N4BP2: variants seen among roughly 807,000 people sequenced by gnomAD.
N4BP2 encodes the protein NEDD4 binding protein 2.
N4BP2 carries 91 observed loss-of-function variants against 152.8 expected under a neutral mutation model. The observed-to-expected ratio is 0.60, with a 90% confidence interval of 0.50 to 0.71. N4BP2 has a LOEUF of 0.71. N4BP2 is among the 30% of genes least tolerant of loss of function. The pLI is 0.00. For missense variants in N4BP2, 1,923 were observed against 2,059.1 expected (o/e 0.93, Z 1.28); for synonymous variants, 646 against 705.3 (o/e 0.92, Z 1.33).
chr4:40,180,631 A>G, the N4BP2 span, among the ~76,000 whole-genome samples: 1 of 152,206 alleles, frequency 6.6e-6, no homozygotes, highest in East Asian at 1.9e-4. Flanking sequence ...GTGTTACATC[A>G]TTTTGTACAA....
In N4BP2 at chr4:40,102,669, T is replaced by C. The variant is rs1488006517; in HGVS notation, c.824T>C (p.Val275Ala). The change falls in exon 4 of 18, where the codon GTT (valine) becomes GCT (alanine). Residue 275 changes from valine to alanine, a missense_variant. Val to Ala is a moderately conservative substitution (Grantham distance 64). Coordinates refer to ENST00000261435, the MANE Select transcript of N4BP2 (RefSeq NM_018177.6). Reference sequence around the variant, plus strand: ...AAAGAACTTTTAGAATCTGAGTGCGTTGAGGCTCAATTCTCTGAAGCTCCT... The same window carrying C: ...AAAGAACTTTTAGAATCTGAGTGCGCTGAGGCTCAATTCTCTGAAGCTCCT... Reference protein sequence around the residue: ...KQKELLESECVEAQFSEAPVD... With the variant: ...KQKELLESECAEAQFSEAPVD... 5 of 1,614,096 alleles carry C rather than the reference T, an allele frequency of 3.1e-6. No individual in the cohort carries two copies. Among genetic ancestry groups the C allele is most frequent in the African/African-American group, 1.3e-5 (1 of 74,928 alleles).
intron 4 of N4BP2, among the ~76,000 whole-genome samples, chr4:40,105,945 A>G (rs1468053132): frequency 6.6e-6 from 1 of 152,184 alleles, no homozygotes; most frequent in African/African-American, 2.4e-5. Context: ...GAAGAGGATA[A>G]ACAGGAATTG....
chr4:40,078,273 G>T (rs894520050), intron 2 of N4BP2, among the ~76,000 whole-genome samples: 2 of 151,900 alleles, frequency 1.3e-5, no homozygotes, highest in Admixed American at 1.3e-4. Flanking sequence ...GAGTAGCCGG[G>T]ACTACAGTCA....
At chr4:40,136,352 A>ATCTG (rs1430568671) in intron 13 of N4BP2, among the ~76,000 whole-genome samples, 1 of 121,350 alleles carries the variant, frequency 8.2e-6, no homozygotes, top group Admixed American at 8.9e-5. Context: ...GAATCTATCT[A>ATCTG]TCTATCTATC....
intron 4 of N4BP2, among the ~76,000 whole-genome samples, chr4:40,106,298 A>ATGTT (rs374882770): frequency 1.7e-3 from 257 of 152,130 alleles, no homozygotes; most frequent in African/African-American, 5.8e-3. Context: ...ATATTACAAT[A>ATGTT]TGTTCTTTTA....
intron 14 of N4BP2, among the ~76,000 whole-genome samples, chr4:40,139,200 T>C (rs1719676541): frequency 6.6e-6 from 1 of 152,152 alleles, no homozygotes; most frequent in Non-Finnish European, 1.5e-5. Context: ...AATTATTTCT[T>C]TTGTTTGTTT....
intron 2 of N4BP2, among the ~76,000 whole-genome samples, chr4:40,091,054 G>C (rs935815071): frequency 7.9e-6 from 1 of 127,058 alleles, no homozygotes; most frequent in African/African-American, 2.9e-5. Context: ...TTTAATTTCA[G>C]TGTCCATGTG....
chr4:40,133,607 A>G (rs1364159970), intron 13 of N4BP2, among the ~76,000 whole-genome samples: 3 of 152,112 alleles, frequency 2.0e-5, no homozygotes, highest in Admixed American at 2.0e-4. Flanking sequence ...AAGTGCTGGG[A>G]TTACAGGCGT....
At chr4:40,118,109 T>C (rs535836946) in intron 8 of N4BP2, 85 bp downstream of exon 8, 2 of 1,161,896 alleles carry the variant, frequency 1.7e-6, no homozygotes, top group Admixed American at 3.0e-5. Context: ...GAATCATTGC[T>C]GATAAACTTT....
chr4:40,057,352 C>T (rs1225654712), intron 1 of N4BP2, among the ~76,000 whole-genome samples: 1 of 152,210 alleles, frequency 6.6e-6, no homozygotes, highest in African/African-American at 2.4e-5. Flanking sequence ...CAGACACACC[C>T]CTCTCGACCC....
chr4:40,101,782 GT>G (rs1326546232), intron 3 of N4BP2, among the ~76,000 whole-genome samples: 2 of 152,046 alleles, frequency 1.3e-5, no homozygotes, highest in African/African-American at 4.8e-5. Flanking sequence ...AGATATTTAT[GT>G]ATTTACTCAA....
At chr4:40,144,203 C>T (rs772221695) in intron 15 of N4BP2, among the ~76,000 whole-genome samples, 6 of 152,140 alleles carry the variant, frequency 3.9e-5, no homozygotes, top group Admixed American at 6.5e-5. Flanking sequence ...GGTGCCTGCC[C>T]GCATGGAGGG....
intron 1 of N4BP2, among the ~76,000 whole-genome samples, chr4:40,072,666 G>T (rs1419930584): frequency 6.6e-6 from 1 of 150,992 alleles, no homozygotes; most frequent in Admixed American, 6.6e-5. Context: ...AAAGTAATAG[G>T]ACTACACTCG....
At chr4:40,091,746 C>T (rs1201604588) in intron 2 of N4BP2, among the ~76,000 whole-genome samples, 1 of 148,756 alleles carries the variant, frequency 6.7e-6, no homozygotes, top group Non-Finnish European at 1.5e-5. Flanking sequence ...GTACCTGGGA[C>T]CACAGGTACG....
chr4:40,134,482 C>G (rs1331888435), intron 13 of N4BP2, among the ~76,000 whole-genome samples: 1 of 152,130 alleles, frequency 6.6e-6, no homozygotes, highest in Non-Finnish European at 1.5e-5. Flanking sequence ...GGCTGATTCT[C>G]TCAGCTAGCA....
chr4:40,127,673 T>A (rs532012139), intron 12 of N4BP2, among the ~76,000 whole-genome samples: 25 of 151,954 alleles, frequency 1.6e-4, no homozygotes, highest in African/African-American at 4.1e-4. Flanking sequence ...ATATATATAT[T>A]TTTTTGAGAT....
intron 8 of N4BP2, 27 bp from the exon 9 acceptor site, chr4:40,119,905 A>G: frequency 2.7e-6 from 3 of 1,125,294 alleles, no homozygotes; most frequent in Non-Finnish European, 2.5e-6. Flanking sequence ...AGACTTTCTC[A>G]TGATACTCTT....
intron 15 of N4BP2, among the ~76,000 whole-genome samples, chr4:40,143,232 C>A (rs1428688729): frequency 6.6e-6 from 1 of 152,182 alleles, no homozygotes; most frequent in South Asian, 2.1e-4. Flanking sequence ...TTTCATAGTA[C>A]AAAAATAACA....
In N4BP2 at chr4:40,108,036, C is replaced by T. The variant is rs192037400; in HGVS notation, c.1498+1012C>T. Among the ~76,000 whole-genome samples, 954 of 150,828 alleles carry T rather than the reference C, an allele frequency of 6.3e-3. 15 individuals carry two copies. Among genetic ancestry groups the T allele is most frequent in the Non-Finnish European group, 5.4e-3 (364 of 67,616 alleles). ...CCTCCCACGTTCAAGGGATTCTCAT[C>T]CTCAGCCTCCCAGCCTGAGTAGTTG... On this transcript the variant is annotated intron_variant, in intron 5 of 17. Transcript: ENST00000261435.
Sources: allele counts gnomAD v4.1 joint callset (sites outside exome capture counted in the v4.1 genomes callset), GRCh38; gene constraint gnomAD v4.1.1; transcripts MANE v1.5; gene names NCBI Gene and HGNC (gene_info 2026-07-23, HGNC 2026-07-21).